Variants in KCNQ1OT1 observed in about 807,000 individuals in gnomAD.
KCNQ1OT1 encodes KCNQ1 antisense RNA 2 (non-protein coding).
Position 2,620,211 on chromosome 11 carries a change from A to AT in KCNQ1OT1, n.79783dup, listed in dbSNP as rs1312458170. ...TAAGTTCATTCATGTATATATATATATTTTTTTTTTTTATTTTTTTTTTAG... is the reference window on the plus strand; with the variant it reads ...TAAGTTCATTCATGTATATATATATATTTTTTTTTTTTTATTTTTTTTTTAG... On this transcript the variant is annotated non_coding_transcript_exon_variant, in exon 1 of 1. Coordinates refer to ENST00000597346, the Ensembl canonical transcript of KCNQ1OT1. The surrounding 1 kb of genome is among the most constrained non-coding windows in gnomAD (Gnocchi z 4.5). 6.6e-3 allele frequency: 1,718 copies of AT among 261,440 alleles called. 10 individuals carry two copies. Among genetic ancestry groups the AT allele is most frequent in the African/African-American group, 0.029 (1,102 of 38,088 alleles). The allele number at this position is 261,440 out of a possible 1,614,324, so 16.2% of individuals were successfully genotyped here. A position where few individuals can be genotyped will look rare whatever the true frequency, so the allele number is the denominator to read the frequency against.
chr11:2,676,352 T>C lies in KCNQ1OT1; in HGVS notation n.23643A>G, dbSNP rs964921887. ...TAGTTGAAGTGCTGTTTTCTCATGG[T>C]TGGGCTTCCAGTATAATTGGAAGGA... On this transcript the variant is annotated non_coding_transcript_exon_variant, in exon 1 of 1. Coordinates refer to ENST00000597346, the Ensembl canonical transcript of KCNQ1OT1. This position sits in a 1 kb window ranked among gnomAD's most constrained non-coding sequence, Gnocchi z 4.2. The C allele has an allele frequency of 7.5e-6, 3 of 398,650 alleles. No individual in the cohort carries two copies. The highest frequency in any genetic ancestry group is 7.1e-5 in the East Asian group (2 of 28,074). 24.7% of individuals were successfully genotyped at this position (398,650 alleles called of 1,614,324 possible). A position where few individuals can be genotyped will look rare whatever the true frequency, so the allele number is the denominator to read the frequency against.
chr11:2,681,776 G>A (rs951873919), exon 1 of KCNQ1OT1: 1 of 398,524 alleles, frequency 2.5e-6, no homozygotes, highest in Admixed American at 4.4e-5. Flanking sequence ...TGGGACCTGG[G>A]AGGACCAGAA....
Position 2,682,635 on chromosome 11 carries a change from A to C in KCNQ1OT1, n.17360T>G, listed in dbSNP as rs1163985159. 7.5e-6 allele frequency: 3 copies of C among 398,450 alleles called. No homozygotes were observed. Among genetic ancestry groups the C allele is most frequent in the African/African-American group, 2.1e-5 (1 of 48,596 alleles). 24.7% of individuals were successfully genotyped at this position (398,450 alleles called of 1,614,324 possible). ...TGAGAGCTCTTCTTCAGGCTCAGTC[A>C]TCCCTGCTTCCCCAGGGCTCATGTC... On this transcript the variant is annotated non_coding_transcript_exon_variant, in exon 1 of 1. Transcript: ENST00000597346. The surrounding 1 kb of genome is among the most constrained non-coding windows in gnomAD (Gnocchi z 5.8).
chr11:2,685,500 C>T (rs555877707), exon 1 of KCNQ1OT1: 1 of 398,896 alleles, frequency 2.5e-6, no homozygotes, highest in Non-Finnish European at 4.4e-6. Flanking sequence ...AAGTTGCTCA[C>T]ATCCAGACAG....
At position 2,612,272 on chromosome 11, in the gene KCNQ1OT1, G is replaced by A. The variant is rs1054233640; in HGVS notation, n.87723C>T. The A allele has an allele frequency of 1.8e-5, 7 of 398,542 alleles. No individual in the cohort carries two copies. Among genetic ancestry groups the A allele is most frequent in the African/African-American group, 1.2e-4 (6 of 48,648 alleles). The allele number at this position is 398,542 out of a possible 1,614,324, so 24.7% of individuals were successfully genotyped here. A position where few individuals can be genotyped will look rare whatever the true frequency, so the allele number is the denominator to read the frequency against. ...GAGAGCAAATCCTATTGTGAACTGA[G>A]CATGTGAGGGATCTAGGTTGTGCAC... On this transcript the variant is annotated non_coding_transcript_exon_variant, in exon 1 of 1. Coordinates refer to ENST00000597346, the Ensembl canonical transcript of KCNQ1OT1. This position sits in a 1 kb window ranked among gnomAD's most constrained non-coding sequence, Gnocchi z 5.5.
exon 1 of KCNQ1OT1, chr11:2,637,370 T>C (rs905408842): frequency 6.6e-6 from 1 of 152,244 alleles, no homozygotes; most frequent in Non-Finnish European, 1.5e-5. Flanking sequence ...CCAGAGATTC[T>C]GGTATGTTGT....
exon 1 of KCNQ1OT1, chr11:2,616,246 TTTTG>T (rs1335249504): frequency 7.5e-6 from 3 of 397,704 alleles, no homozygotes; most frequent in Admixed American, 4.4e-5. Context: ...GTGTTCCTAC[TTTTG>T]TTTATGATTT....
rs1435432171 is a variant in KCNQ1OT1 at position 2,693,277 on chromosome 11, C to A, written n.6718G>T. The A allele has an allele frequency of 1.5e-5, 6 of 398,618 alleles. No individual in the cohort carries two copies. In the Admixed American group the frequency reaches 1.8e-4, roughly 12 times the overall value. 24.7% of individuals were successfully genotyped at this position (398,618 alleles called of 1,614,324 possible). On this transcript the variant is annotated non_coding_transcript_exon_variant, in exon 1 of 1. Transcript: ENST00000597346. ...GCTACCAGGCTTAACAACTCAGATG[C>A]ACACCCTCCACAACTGCTCTTAGCA...
exon 1 of KCNQ1OT1, chr11:2,636,212 C>T (rs1185432622): frequency 6.6e-6 from 1 of 152,182 alleles, no homozygotes; most frequent in Non-Finnish European, 1.5e-5. Context: ...CCAGAACTTC[C>T]AACACTATGT....
chr11:2,629,489 TTTGAG>T, exon 1 of KCNQ1OT1: 1 of 398,490 alleles, frequency 2.5e-6, no homozygotes, highest in Non-Finnish European at 4.4e-6. Context: ...TGTGGTCCAC[TTTGAG>T]TTAATTTTTG....
At chr11:2,667,198 C>T (rs537626198) in exon 1 of KCNQ1OT1, 3 of 398,610 alleles carry the variant, frequency 7.5e-6, no homozygotes, top group Non-Finnish European at 1.3e-5. Context: ...CTGTGGCGGC[C>T]CCCCGTGGCC....
At chr11:2,696,010 G>A (rs561470944) in exon 1 of KCNQ1OT1, 7 of 398,434 alleles carry the variant, frequency 1.8e-5, no homozygotes, top group Non-Finnish European at 3.1e-5. Context: ...ACATTCATGA[G>A]TGTAAAAGTG....
chr11:2,699,770 AGCCCCGAGGAGAACCGCGCCGAGGGGC>A (rs1236500606), exon 1 of KCNQ1OT1: 7 of 370,138 alleles, frequency 1.9e-5, no homozygotes, highest in Admixed American at 1.5e-4. Context: ...CGCGCTGAGG[AGCCCCGAGGAGAACCGCGCCGAGGGGC>A]GCGCCGGGGA....
exon 1 of KCNQ1OT1, chr11:2,667,859 A>G (rs2133864745): frequency 5.0e-6 from 2 of 398,644 alleles, no homozygotes; most frequent in East Asian, 3.6e-5. Flanking sequence ...ATGTGCATGC[A>G]CACAGATTAG....
At position 2,664,270 on chromosome 11, in the gene KCNQ1OT1, G is replaced by C. The variant is rs1037793781; in HGVS notation, n.35725C>G. 5.0e-6 allele frequency: 2 copies of C among 398,970 alleles called. No individual in the cohort carries two copies. Among genetic ancestry groups the C allele is most frequent in the Non-Finnish European group, 8.8e-6 (2 of 226,426 alleles). The allele number at this position is 398,970 out of a possible 1,614,324, so 24.7% of individuals were successfully genotyped here. On this transcript the variant is annotated non_coding_transcript_exon_variant, in exon 1 of 1. Coordinates refer to ENST00000597346, the Ensembl canonical transcript of KCNQ1OT1. This position sits in a 1 kb window ranked among gnomAD's most constrained non-coding sequence, Gnocchi z 5.1. ...GACTGGGAGAGGGAAAAACAAGGAG[G>C]TTGCTGCAAAGGGGCCACCTTGAGG...
chr11:2,670,508 G>C lies in KCNQ1OT1; in HGVS notation n.29487C>G. On this transcript the variant is annotated non_coding_transcript_exon_variant, in exon 1 of 1. Coordinates refer to ENST00000597346, the Ensembl canonical transcript of KCNQ1OT1. The surrounding 1 kb of genome is among the most constrained non-coding windows in gnomAD (Gnocchi z 4.9). ...AGCATCTAGTGGGCCTGTCCTCCCAGCTCACAGAAGGGGAAATTGAAGCCT... is the reference window on the plus strand; with the variant it reads ...AGCATCTAGTGGGCCTGTCCTCCCACCTCACAGAAGGGGAAATTGAAGCCT... 2.5e-6 allele frequency: 1 copy of C among 397,606 alleles called. No homozygotes were observed. The highest frequency in any genetic ancestry group is 3.6e-5 in the East Asian group (1 of 28,040). 24.6% of individuals were successfully genotyped at this position (397,606 alleles called of 1,614,324 possible). A position where few individuals can be genotyped will look rare whatever the true frequency, so the allele number is the denominator to read the frequency against.
exon 1 of KCNQ1OT1, chr11:2,684,192 C>A: frequency 2.5e-6 from 1 of 398,618 alleles, no homozygotes; most frequent in South Asian, 1.3e-4. Flanking sequence ...GGGGCTTGGT[C>A]AGACTCTGCC....
At chr11:2,640,882 G>A in exon 1 of KCNQ1OT1, 1 of 399,434 alleles carries the variant, frequency 2.5e-6, no homozygotes, top group Non-Finnish European at 4.4e-6. Flanking sequence ...CTACCTCCAT[G>A]AGATCAACTT....
Position 2,671,961 on chromosome 11 carries a change from G to A in KCNQ1OT1, n.28034C>T, listed in dbSNP as rs1850191104. The A allele has an allele frequency of 5.0e-6, 2 of 398,360 alleles. No individual in the cohort carries two copies. Among genetic ancestry groups the A allele is most frequent in the Admixed American group, 4.4e-5 (1 of 22,694 alleles). 24.7% of individuals were successfully genotyped at this position (398,360 alleles called of 1,614,324 possible). A position where few individuals can be genotyped will look rare whatever the true frequency, so the allele number is the denominator to read the frequency against. ...CTCTGTATCTGGGGTAGAAAGAGTG[G>A]GCTAAAAAGTCAGCTAGCACCCCTG... On this transcript the variant is annotated non_coding_transcript_exon_variant, in exon 1 of 1. Coordinates refer to ENST00000597346, the Ensembl canonical transcript of KCNQ1OT1. The surrounding 1 kb of genome is among the most constrained non-coding windows in gnomAD (Gnocchi z 4.7).
Sources: gnomAD v4.1 joint callset for allele counts on GRCh38, gnomAD v4.1.1 for gene constraint, Gnocchi (gnomAD v3.1) non-coding constraint, MANE v1.5 for transcripts, NCBI Gene and HGNC (gene_info 2026-07-23, HGNC 2026-07-21) for gene names.